Variants in SPRY3 observed in about 807,000 individuals in gnomAD.
SPRY3 encodes sprouty RTK signaling antagonist 3.
Under a neutral mutation model 20.2 loss-of-function variants are expected in SPRY3, and 15 were observed. That is an observed-to-expected ratio of 0.74 (90% CI 0.50 to 1.14). The LOEUF (loss-of-function observed/expected upper bound fraction) is 1.14. Among genes scored for constraint, SPRY3 ranks in the 50% most tolerant of loss-of-function variants. The pLI, the probability that SPRY3 is intolerant of heterozygous loss-of-function variation, is 0.00. For synonymous variants in SPRY3, 143 were observed against 136.5 expected (o/e 1.05, Z -0.33); for missense variants, 364 against 363.9 (o/e 1.00, Z 0.00).
intron 2 of SPRY3, among the ~76,000 whole-genome samples, chrX:155,672,821 T>C (rs1410311606): frequency 9.7e-6 from 1 of 102,631 alleles, no homozygotes; most frequent in African/African-American, 3.6e-5. Flanking sequence ...AACCCAAATG[T>C]CCAACAATGA....
intron 2 of SPRY3, among the ~76,000 whole-genome samples, chrX:155,745,125 A>G: frequency 6.6e-6 from 1 of 152,166 alleles, no homozygotes; most frequent in East Asian, 1.9e-4. Context: ...TGCTCTAGAG[A>G]AAACTATCTT....
At chrX:155,771,832 T>C (rs2091383494) in intron 3 of SPRY3, among the ~76,000 whole-genome samples, 2 of 152,106 alleles carry the variant, frequency 1.3e-5, no homozygotes, top group Admixed American at 1.3e-4. Flanking sequence ...AATGCCCCAA[T>C]AAGTAAGGGC....
At chrX:155,683,594 A>T (rs754907784) in intron 2 of SPRY3, among the ~76,000 whole-genome samples, 8 of 112,095 alleles carry the variant, frequency 7.1e-5, no homozygotes, top group Non-Finnish European at 3.8e-5. Context: ...TCATGTGGCT[A>T]TTTTTATTGT....
chrX:155,781,450 C>T (rs2091462699), downstream of SPRY3: 1 of 166,986 alleles, frequency 6.0e-6, no homozygotes, highest in Non-Finnish European at 1.5e-5. Context: ...AATTGAATCA[C>T]TTTATTCCAT....
At chrX:155,762,805 G>T (rs779826622) in intron 2 of SPRY3, among the ~76,000 whole-genome samples, 2 of 152,102 alleles carry the variant, frequency 1.3e-5, no homozygotes, top group East Asian at 3.9e-4. Context: ...CAGTTTGGAG[G>T]TTTCTCAAAA....
At chrX:155,655,599 A>T (rs1264894792) in intron 1 of SPRY3, among the ~76,000 whole-genome samples, 1 of 111,705 alleles carries the variant, frequency 9.0e-6, no homozygotes, top group African/African-American at 3.3e-5. Flanking sequence ...CCAGCACCAT[A>T]TATTGAATAG....
intron 2 of SPRY3, among the ~76,000 whole-genome samples, chrX:155,752,508 T>C (rs1226446082): frequency 6.6e-6 from 1 of 151,678 alleles, no homozygotes; most frequent in African/African-American, 2.4e-5. Flanking sequence ...ATAGGTTTAA[T>C]GTCTTGATAT....
At chrX:155,717,440 C>T (rs2091030758) in intron 2 of SPRY3, among the ~76,000 whole-genome samples, 1 of 152,040 alleles carries the variant, frequency 6.6e-6, no homozygotes. Context: ...GCAGAACATG[C>T]AGGTTTGTTA....
chrX:155,696,047 T>C (rs1383005095), intron 2 of SPRY3, among the ~76,000 whole-genome samples: 1 of 110,990 alleles, frequency 9.0e-6, no homozygotes, highest in East Asian at 2.8e-4. Context: ...CATTATGTTA[T>C]GGAGGATCTG....
chrX:155,741,518 C>T (rs915731015), intron 2 of SPRY3, among the ~76,000 whole-genome samples: 12 of 152,134 alleles, frequency 7.9e-5, no homozygotes, highest in African/African-American at 2.7e-4. Flanking sequence ...GTAAGATGCT[C>T]CATGAGAAGA....
At chrX:155,754,781 G>A (rs148424750) in intron 2 of SPRY3, among the ~76,000 whole-genome samples, 3,448 of 151,866 alleles carry the variant, frequency 0.023, 113 homozygotes, top group African/African-American at 0.078. Context: ...AATGTTCTGT[G>A]GTTTTCAGTG....
chrX:155,780,662 C>T (rs2091458000), downstream of SPRY3: 1 of 166,878 alleles, frequency 6.0e-6, no homozygotes, highest in African/African-American at 2.4e-5. Context: ...CAAGGCTTAA[C>T]AGAATTAGTT....
intron 2 of SPRY3, among the ~76,000 whole-genome samples, chrX:155,754,932 A>G (rs1277290110): frequency 2.0e-5 from 3 of 151,524 alleles, no homozygotes; most frequent in Non-Finnish European, 4.4e-5. Context: ...TATATTGATT[A>G]ATCTTGTATA....
At chrX:155,773,930 C>G (rs1439962443) in exon 4 of SPRY3, 33 of 1,613,972 alleles carry the variant, frequency 2.0e-5, no homozygotes, top group Non-Finnish European at 2.7e-5. Context: ...CAGCTGCGCT[C>G]TACTCATGCT....
intron 1 of SPRY3, among the ~76,000 whole-genome samples, chrX:155,640,409 T>A (rs1312962897): frequency 8.9e-6 from 1 of 112,684 alleles, no homozygotes; most frequent in Non-Finnish European, 1.9e-5. Context: ...AGATTAATTG[T>A]CTGTCTGAAA....
At chrX:155,624,736 G>A (rs1172422572) in intron 1 of SPRY3, among the ~76,000 whole-genome samples, 1 of 111,789 alleles carries the variant, frequency 8.9e-6, no homozygotes, top group Non-Finnish European at 1.9e-5. Context: ...TAATGAAGTA[G>A]ACAATTTAAA....
At chrX:155,745,088 T>C (rs1204301854) in intron 2 of SPRY3, among the ~76,000 whole-genome samples, 1 of 152,042 alleles carries the variant, frequency 6.6e-6, no homozygotes, top group Non-Finnish European at 1.5e-5. Context: ...TTAGGGAGAA[T>C]AGAGATCCTA....
At chrX:155,671,632 C>T (rs2068041068) in intron 2 of SPRY3, among the ~76,000 whole-genome samples, 1 of 111,057 alleles carries the variant, frequency 9.0e-6, no homozygotes, top group African/African-American at 3.3e-5. Context: ...ATGCTGTGCT[C>T]TGTTAGGCAT....
At chrX:155,707,779 C>A (rs774001695) in intron 2 of SPRY3, among the ~76,000 whole-genome samples, 2 of 151,246 alleles carry the variant, frequency 1.3e-5, no homozygotes, top group Non-Finnish European at 3.0e-5. Flanking sequence ...ATTTTTCCAT[C>A]CTTTTACTTT....
Sources: allele counts gnomAD v4.1 joint callset (sites outside exome capture counted in the v4.1 genomes callset), GRCh38; gene constraint gnomAD v4.1.1; transcripts MANE v1.5; gene names NCBI Gene and HGNC (gene_info 2026-07-23, HGNC 2026-07-21).